The following TRPM7 variants were observed in gnomAD, a reference collection of about 807,000 sequenced individuals.
TRPM7 encodes the protein transient receptor potential cation channel subfamily M member 7.
A neutral mutation model predicts 229.7 loss-of-function variants in TRPM7; 134 were observed. That is an observed-to-expected ratio of 0.58 (90% CI 0.51 to 0.67). TRPM7 has a LOEUF of 0.67. Among genes scored for constraint, TRPM7 ranks in the 30% least tolerant of loss-of-function variants. The pLI is 0.00. For missense variants in TRPM7, 1,901 were observed against 2,210.0 expected (o/e 0.86, Z 2.80); for synonymous variants, 699 against 715.2 (o/e 0.98, Z 0.36).
At chr15:50,617,328 T>C (rs1403755278) in intron 13 of TRPM7, among the ~76,000 whole-genome samples, 3 of 104,572 alleles carry the variant, frequency 2.9e-5, no homozygotes, top group African/African-American at 1.2e-4. Flanking sequence ...AGACCAAGAC[T>C]CCATCTCAAA....
Position 50,574,459 on chromosome 15 carries a change from A to G in TRPM7, c.5123T>C (p.Leu1708Pro). Reference sequence around the variant, plus strand: ...CCACTGTCCTGCTGAATGGCAATACAGCAGGAAAACTTCAAGGAACCTTAT... The same window carrying G: ...CCACTGTCCTGCTGAATGGCAATACGGCAGGAAAACTTCAAGGAACCTTAT... ...YSPRFLEVFL[L>P]YCHSAGQWFA... The change falls in exon 36 of 39, where the codon CTG (leucine) becomes CCG (proline). Residue 1708 changes from leucine to proline, a missense_variant. Physicochemically the swap from Leu to Pro is moderately conservative, Grantham distance 98 (BLOSUM62 -3). Transcript: ENST00000646667. 1 of 1,613,228 alleles carries G rather than the reference A, an allele frequency of 6.2e-7. No individual in the cohort carries two copies.
chr15:50,629,073 A>AT (rs1374337053), intron 10 of TRPM7, among the ~76,000 whole-genome samples: 10 of 152,134 alleles, frequency 6.6e-5, no homozygotes, highest in Admixed American at 3.9e-4. Flanking sequence ...GTTATTTTGA[A>AT]TTTTTTGCTG....
intron 1 of TRPM7, among the ~76,000 whole-genome samples, chr15:50,679,124 A>T: frequency 7.0e-6 from 1 of 142,684 alleles, no homozygotes; most frequent in Admixed American, 7.1e-5. Context: ...CACCCGCCTC[A>T]GCCTTCCAAA....
chr15:50,596,418 T>C, intron 22 of TRPM7, 37 bp from the exon 23 acceptor site: 6 of 1,498,072 alleles, frequency 4.0e-6, no homozygotes, highest in Non-Finnish European at 5.4e-6. Context: ...AAAAACAACT[T>C]AAAAATAGTA....
Position 50,607,099 on chromosome 15 carries a change from T to G in TRPM7, c.2709+101A>C. 3 of 1,004,112 alleles carry G rather than the reference T, an allele frequency of 3.0e-6. 1 individual carries two copies. In the South Asian group the frequency reaches 6.0e-5, roughly 20 times the overall value. The allele number at this position is 1,004,112 out of a possible 1,614,324, so 62.2% of individuals were successfully genotyped here. Reference sequence around the variant, plus strand: ...GTTCTACACTTCTACAATGTCATCATACACACACACACCCCCCTACGTATA... The same window carrying G: ...GTTCTACACTTCTACAATGTCATCAGACACACACACACCCCCCTACGTATA... On this transcript the variant is annotated intron_variant, in intron 20 of 38. Coordinates refer to ENST00000646667, the MANE Select transcript of TRPM7 (RefSeq NM_017672.6).
intron 38 of TRPM7, among the ~76,000 whole-genome samples, chr15:50,565,327 T>C (rs2053549337): frequency 6.6e-6 from 1 of 152,146 alleles, no homozygotes; most frequent in Non-Finnish European, 1.5e-5. Context: ...CCTCAGTATA[T>C]GCTGTCTACA....
intron 4 of TRPM7, 63 bp from the exon 5 acceptor site, chr15:50,643,616 T>G: frequency 1.4e-6 from 2 of 1,408,224 alleles, no homozygotes; most frequent in Non-Finnish European, 2.0e-6. Flanking sequence ...TAATGTGACA[T>G]TATATGACTT....
chr15:50,596,408 A>G lies in TRPM7; in HGVS notation c.3164-27T>C, dbSNP rs1027832926. 39 of 1,540,144 alleles carry G rather than the reference A, an allele frequency of 2.5e-5. No homozygotes were observed. In the Admixed American group the frequency reaches 6.8e-4, roughly 27 times the overall value. On this transcript the variant is annotated intron_variant, in intron 22 of 38. Coordinates refer to ENST00000646667, the MANE Select transcript of TRPM7 (RefSeq NM_017672.6). Reference sequence around the variant, plus strand: ...TTTAGAGAGAAAAAAAGAAAAAAACAAAAACAACTTAAAAATAGTAATTCA... The same window carrying G: ...TTTAGAGAGAAAAAAAGAAAAAAACGAAAACAACTTAAAAATAGTAATTCA...
intron 11 of TRPM7, among the ~76,000 whole-genome samples, chr15:50,625,942 CTCT>C (rs2060546142): frequency 6.6e-6 from 1 of 152,098 alleles, no homozygotes; most frequent in African/African-American, 2.4e-5. Context: ...TTCCTTCTTT[CTCT>C]TATCACATAC....
At position 50,670,007 on chromosome 15, in the gene TRPM7, T is replaced by A. The variant is rs1207898790; in HGVS notation, c.4-6961A>T. 3.3e-5 allele frequency among the ~76,000 whole-genome samples: 5 copies of A among 152,230 alleles called. No individual in the cohort carries two copies. The East Asian group carries it at 7.7e-4, about 23-fold the overall frequency. On this transcript the variant is annotated intron_variant, in intron 1 of 38. Coordinates refer to ENST00000646667, the MANE Select transcript of TRPM7 (RefSeq NM_017672.6). The stretch of plus-strand genomic sequence containing the variant: ...AGGAATGCAGGATAAGCTTACTGAA[T>A]GTTTTATTAAACACTTATTAATCTT...
At chr15:50,686,309 C>T (rs949239038) in intron 1 of TRPM7, among the ~76,000 whole-genome samples, 6 of 152,220 alleles carry the variant, frequency 3.9e-5, no homozygotes, top group South Asian at 2.1e-4. Context: ...TCAGGGGATT[C>T]CCGCGAAGAG....
chr15:50,676,230 G>A (rs942332480), intron 1 of TRPM7, among the ~76,000 whole-genome samples: 2 of 152,106 alleles, frequency 1.3e-5, no homozygotes, highest in South Asian at 4.1e-4. Flanking sequence ...CCTAGATGCT[G>A]CTAGCAAAAA....
chr15:50,620,090 T>C (rs2060346547), intron 12 of TRPM7, among the ~76,000 whole-genome samples: 1 of 152,216 alleles, frequency 6.6e-6, no homozygotes, highest in African/African-American at 2.4e-5. Flanking sequence ...ATAATGGCGC[T>C]GTACAATACC....
In TRPM7 at chr15:50,614,119, A is replaced by G. The variant is rs142557742; in HGVS notation, c.1635+4T>C. On this transcript the variant is annotated splice_donor_region_variant and intron_variant, in intron 14 of 38. Coordinates refer to ENST00000646667, the MANE Select transcript of TRPM7 (RefSeq NM_017672.6). ...ATATAGATTTCCCCACAAATTTTAC[A>G]TACCCGATTATTTCCACCAAGACTA... The G allele has an allele frequency of 2.6e-4, 421 of 1,590,048 alleles. 5 individuals are homozygous for G. In the East Asian group the frequency reaches 5.9e-3, roughly 22 times the overall value.
At chr15:50,679,285 T>C (rs965684522) in intron 1 of TRPM7, among the ~76,000 whole-genome samples, 1 of 149,590 alleles carries the variant, frequency 6.7e-6, no homozygotes, top group Non-Finnish European at 1.5e-5. Flanking sequence ...CAGTAAGCCA[T>C]GATGATGTCA....
chr15:50,568,684 A>G (rs1234991789), intron 38 of TRPM7, among the ~76,000 whole-genome samples: 2 of 152,070 alleles, frequency 1.3e-5, no homozygotes, highest in African/African-American at 4.8e-5. Flanking sequence ...ACTTTCAAAA[A>G]TACACAAGGG....
chr15:50,570,988 C>T (rs1490008399), intron 36 of TRPM7, among the ~76,000 whole-genome samples: 3 of 152,136 alleles, frequency 2.0e-5, no homozygotes, highest in East Asian at 1.9e-4. Flanking sequence ...AATCTTTCTT[C>T]ACCTCCAGCC....
intron 38 of TRPM7, among the ~76,000 whole-genome samples, chr15:50,569,474 TTTGAG>T (rs1250134350): frequency 6.6e-6 from 1 of 152,096 alleles, no homozygotes; most frequent in African/African-American, 2.4e-5. Context: ...CGGACCTGGG[TTTGAG>T]TTAAGGGACC....
At chr15:50,571,023 T>C (rs942773144) in intron 36 of TRPM7, among the ~76,000 whole-genome samples, 1 of 152,154 alleles carries the variant, frequency 6.6e-6, no homozygotes, top group African/African-American at 2.4e-5. Flanking sequence ...TATGATTAAA[T>C]CCTTCCAGTC....
Sources: allele counts gnomAD v4.1 joint callset (sites outside exome capture counted in the v4.1 genomes callset), GRCh38; gene constraint gnomAD v4.1.1; transcripts MANE v1.5; gene names NCBI Gene and HGNC (gene_info 2026-07-23, HGNC 2026-07-21).